NOTCH2NLC: variants seen among roughly 807,000 people sequenced by gnomAD.
The protein encoded by NOTCH2NLC is notch homolog 2 N-terminal-like protein C.
Under a neutral mutation model 17.7 loss-of-function variants are expected in NOTCH2NLC, and 4 were observed. The ratio of observed to expected loss-of-function variants is 0.23; its 90% CI spans 0.11 to 0.52. The LOEUF (loss-of-function observed/expected upper bound fraction) is 0.52, where lower values mean the gene tolerates loss of function less well. Among genes scored for constraint, NOTCH2NLC ranks in the 20% least tolerant of loss-of-function variants. The pLI is 0.96. For synonymous variants in NOTCH2NLC, 18 were observed against 86.0 expected, an observed-to-expected ratio of 0.21 and a Z score of 4.38; for missense variants, 57 against 207.2, an observed-to-expected ratio of 0.28 and a Z score of 4.45.
chr1:149,419,855 ATTTTTTTTTTTT>A (rs1166865199), intron 1 of NOTCH2NLC, among the ~76,000 whole-genome samples: 1 of 78,204 alleles, frequency 1.3e-5, no homozygotes, highest in Non-Finnish European at 2.3e-5. Flanking sequence ...ATATATATAT[ATTTTTTTTTTTT>A]TTTTTTTTTT....
At chr1:149,412,931 G>GC (rs1419173027) in intron 1 of NOTCH2NLC, among the ~76,000 whole-genome samples, 11 of 130,020 alleles carry the variant, frequency 8.5e-5, no homozygotes, top group Non-Finnish European at 1.5e-4. Flanking sequence ...TTGAGACAGG[G>GC]CCTCACTCTG....
intron 1 of NOTCH2NLC, among the ~76,000 whole-genome samples, chr1:149,417,097 CTTTTTTTTTTTTTTTT>C (rs1171555647): frequency 7.2e-5 from 5 of 69,570 alleles, no homozygotes; most frequent in African/African-American, 2.0e-4. Context: ...TCAGGTTTTC[CTTTTTTTTTTTTTTTT>C]TTTTTTTTTT....
chr1:149,432,542 C>T (rs1401759288), intron 2 of NOTCH2NLC, among the ~76,000 whole-genome samples: 11 of 150,902 alleles, frequency 7.3e-5, no homozygotes, highest in African/African-American at 2.4e-4. Context: ...AACTTAATAC[C>T]TTAGAGTAGG....
Position 149,467,302 on chromosome 1 carries a change from A to C in NOTCH2NLC, c.*3149A>C, listed in dbSNP as rs2084690293. ...TCAACTCTGAGTCAGTGAATGCCACATAACTTAGTGACTATATTTAAATGG... is the reference window on the plus strand; with the variant it reads ...TCAACTCTGAGTCAGTGAATGCCACCTAACTTAGTGACTATATTTAAATGG... On this transcript the variant is annotated 3_prime_UTR_variant, in exon 5 of 5. Coordinates refer to ENST00000650865, the MANE Select transcript of NOTCH2NLC (RefSeq NM_001364013.2). 7.9e-6 allele frequency: 1 copy of C among 126,536 alleles called. No individual in the cohort carries two copies. The highest frequency in any genetic ancestry group is 1.7e-5 in the Non-Finnish European group (1 of 60,318). The allele number at this position is 126,536 out of a possible 1,614,324, so 7.8% of individuals were successfully genotyped here. A position where few individuals can be genotyped will look rare whatever the true frequency, so the allele number is the denominator to read the frequency against.
At chr1:149,458,366 G>GT (rs1269198377) in intron 3 of NOTCH2NLC, among the ~76,000 whole-genome samples, 27 of 98,754 alleles carry the variant, frequency 2.7e-4, no homozygotes, top group African/African-American at 7.9e-4. Context: ...AGCAGGTTGT[G>GT]TTTTTTTTTT....
rs1160458581 is a variant in NOTCH2NLC at position 149,466,293 on chromosome 1, C to T, written c.*2140C>T. On this transcript the variant is annotated 3_prime_UTR_variant, in exon 5 of 5. Coordinates refer to ENST00000650865, the MANE Select transcript of NOTCH2NLC (RefSeq NM_001364013.2). Reference sequence around the variant, plus strand: ...GTGTGTGTGGTATATATATATATATCGCATTGTGCAGATGTTTAAAAGTAG... The same window carrying T: ...GTGTGTGTGGTATATATATATATATTGCATTGTGCAGATGTTTAAAAGTAG... 2 of 145,320 alleles carry T rather than the reference C, an allele frequency of 1.4e-5. No homozygotes were observed. The highest frequency in any genetic ancestry group is 3.0e-5 in the Non-Finnish European group (2 of 65,842). The allele number at this position is 145,320 out of a possible 1,614,324, so 9.0% of individuals were successfully genotyped here.
rs1160416644 is a variant in NOTCH2NLC, at chr1:149,417,408, G to A, written c.136-13534G>A. 3.3e-5 allele frequency among the ~76,000 whole-genome samples: 5 copies of A among 151,082 alleles called. 1 individual carries two copies. Among genetic ancestry groups the A allele is most frequent in the African/African-American group, 1.2e-4 (5 of 41,164 alleles). ...CAGGCGTGAGCCACCGCGCCCGGCC[G>A]GATATCAGGTTTTTCTAACTGCGTA... On this transcript the variant is annotated intron_variant, in intron 1 of 4. Transcript: ENST00000650865.
chr1:149,410,394 T>C (rs1166955802), intron 1 of NOTCH2NLC, among the ~76,000 whole-genome samples: 3 of 149,210 alleles, frequency 2.0e-5, no homozygotes, highest in Non-Finnish European at 4.5e-5. Flanking sequence ...AATCTTGTTG[T>C]GTTTGACTAG....
rs2084398302 is a variant in NOTCH2NLC at position 149,424,223 on chromosome 1, A to T, written c.136-6719A>T. 7.3e-5 allele frequency among the ~76,000 whole-genome samples: 11 copies of T among 151,500 alleles called. 1 individual carries two copies. In the South Asian group the frequency reaches 1.7e-3, roughly 23 times the overall value. ...TTGGAGCTGATAAACCTGAATAAAT[A>T]AAAGAGCCTTGTCTGGATTGAGTTA... On this transcript the variant is annotated intron_variant, in intron 1 of 4. Coordinates refer to ENST00000650865, the MANE Select transcript of NOTCH2NLC (RefSeq NM_001364013.2).
intron 1 of NOTCH2NLC, among the ~76,000 whole-genome samples, chr1:149,394,743 C>T (rs1211128417): frequency 6.6e-6 from 1 of 150,468 alleles, no homozygotes; most frequent in East Asian, 2.0e-4. Context: ...TGTCTCAGTT[C>T]GAATGCCTAA....
At chr1:149,439,960 A>G (rs2084506212) in intron 2 of NOTCH2NLC, among the ~76,000 whole-genome samples, 1 of 149,144 alleles carries the variant, frequency 6.7e-6, no homozygotes, top group Admixed American at 6.7e-5. Flanking sequence ...AGAAAAGTGA[A>G]AATAAAGACT....
rs1337609092 is a variant in NOTCH2NLC at position 149,392,943 on chromosome 1, C to T, written c.135+2021C>T. ...AAAATTAGCCGGGCGTAGTGGCGGG[C>T]GCCTGTAGTCCCAGCTACTTGGGAG... On this transcript the variant is annotated intron_variant, in intron 1 of 4. Transcript: ENST00000650865. 5.4e-5 allele frequency among the ~76,000 whole-genome samples: 8 copies of T among 148,190 alleles called. 1 individual carries two copies. Among genetic ancestry groups the T allele is most frequent in the Admixed American group, 2.7e-4 (4 of 14,972 alleles).
intron 3 of NOTCH2NLC, among the ~76,000 whole-genome samples, chr1:149,460,983 T>C (rs1242857982): frequency 6.9e-6 from 1 of 145,964 alleles, no homozygotes; most frequent in Non-Finnish European, 1.5e-5. Context: ...ACTCTGTTGC[T>C]TAGTACAGTG....
At chr1:149,445,554 T>TC (rs1490716409) in intron 2 of NOTCH2NLC, among the ~76,000 whole-genome samples, 2 of 148,542 alleles carry the variant, frequency 1.3e-5, no homozygotes, top group African/African-American at 5.0e-5. Flanking sequence ...TAACGACAGC[T>TC]CCCCCCTCTA....
chr1:149,421,273 G>A (rs1323299983), intron 1 of NOTCH2NLC, among the ~76,000 whole-genome samples: 1 of 142,210 alleles, frequency 7.0e-6, no homozygotes, highest in Non-Finnish European at 1.6e-5. Context: ...TGTAATCCCA[G>A]CATCACGAGG....
At chr1:149,401,206 CA>C (rs1278174028) in intron 1 of NOTCH2NLC, among the ~76,000 whole-genome samples, 1 of 138,220 alleles carries the variant, frequency 7.2e-6, no homozygotes, top group Non-Finnish European at 1.6e-5. Context: ...TTCGTTGCTC[CA>C]GCTGAACTGC....
At chr1:149,400,216 T>C (rs2084236642) in intron 1 of NOTCH2NLC, among the ~76,000 whole-genome samples, 1 of 137,902 alleles carries the variant, frequency 7.3e-6, no homozygotes, top group African/African-American at 2.6e-5. Context: ...CAACACTAGG[T>C]TTTATTTTTA....
At position 149,471,796 on chromosome 1, in the gene NOTCH2NLC, CTAA is replaced by C. The variant is rs1260990868; in HGVS notation, c.*7650_*7652del. 3.0e-5 allele frequency among the ~76,000 whole-genome samples: 4 copies of C among 131,704 alleles called. No individual in the cohort carries two copies. The East Asian group carries it at 7.0e-4, about 23-fold the overall frequency. 86.4% of individuals were successfully genotyped at this position (131,704 alleles called of 152,430 possible). On this transcript the variant is annotated 3_prime_UTR_variant, in exon 5 of 5. Transcript: ENST00000650865. ...GTGATATATGAATTATACTATGGAACTAATAATAACAGTAATAAAGCAAGGTGT... is the reference window on the plus strand; with the variant it reads ...GTGATATATGAATTATACTATGGAACTAATAACAGTAATAAAGCAAGGTGT...
chr1:149,429,834 G>A (rs1276714865), intron 1 of NOTCH2NLC, among the ~76,000 whole-genome samples: 3 of 149,896 alleles, frequency 2.0e-5, no homozygotes, highest in African/African-American at 7.4e-5. Flanking sequence ...TTGGAGGGGG[G>A]AACTTCTCAG....
Sources: allele counts gnomAD v4.1 joint callset (sites outside exome capture counted in the v4.1 genomes callset), GRCh38; gene constraint gnomAD v4.1.1; transcripts MANE v1.5; gene names NCBI Gene and HGNC (gene_info 2026-07-23, HGNC 2026-07-21).